MMP26: variants seen among roughly 807,000 people sequenced by gnomAD.
The protein encoded by MMP26 is matrix metallopeptidase 26.
MMP26 carries 33 observed loss-of-function variants against 31.0 expected under a neutral mutation model. That is an observed-to-expected ratio of 1.06 (90% CI 0.81 to 1.42). The LOEUF (loss-of-function observed/expected upper bound fraction) is 1.42, where lower values mean the gene tolerates loss of function less well. Ranked by LOEUF, MMP26 falls within the 40% of genes most tolerant of loss-of-function variation. The pLI is 0.00. For missense variants in MMP26, 347 were observed against 316.1 expected, an observed-to-expected ratio of 1.10 and a Z score of -0.74; for synonymous variants, 122 against 114.9, an observed-to-expected ratio of 1.06 and a Z score of -0.40.
At position 4,992,340 on chromosome 11, in the gene MMP26, T is replaced by C; in HGVS notation, c.*98T>C. 8.1e-7 allele frequency: 1 copy of C among 1,241,428 alleles called. No homozygotes were observed. The highest frequency in any genetic ancestry group is 1.1e-6 in the Non-Finnish European group (1 of 884,528). 76.9% of individuals were successfully genotyped at this position (1,241,428 alleles called of 1,614,324 possible). ...AGAGCAGCCTTGGGGACTGCTAGGA[T>C]GAAGCCCTAAAGAATGCAACCTAGT... is the stretch of plus-strand genomic sequence containing the variant. On this transcript the variant is annotated 3_prime_UTR_variant, in exon 8 of 8. Coordinates refer to ENST00000380390, the MANE Select transcript of MMP26 (RefSeq NM_021801.5).
chr11:4,752,009 G>A (rs779008091), intron 1 of MMP26: 3 of 152,108 alleles, frequency 2.0e-5, no homozygotes, highest in Non-Finnish European at 4.4e-5. Context: ...TTTGAAATAA[G>A]CCTTTATAGG....
chr11:4,740,345 G>A (rs1463826500), intron 1 of MMP26, among the ~76,000 whole-genome samples: 2 of 151,920 alleles, frequency 1.3e-5, no homozygotes, highest in Non-Finnish European at 2.9e-5. Flanking sequence ...ATTAAAAAAC[G>A]GTGGTCATAG....
At chr11:4,803,411 T>G in intron 2 of MMP26, 1 of 1,454,218 alleles carries the variant, frequency 6.9e-7, no homozygotes, top group Non-Finnish European at 9.5e-7. Flanking sequence ...ATGTAAGTGA[T>G]GGGGATACAC....
At chr11:4,941,334 C>CT in intron 2 of MMP26, among the ~76,000 whole-genome samples, 1 of 152,248 alleles carries the variant, frequency 6.6e-6, no homozygotes, top group South Asian at 2.1e-4. Context: ...CTAGAATGCA[C>CT]TTATAATCTA....
At chr11:4,817,660 T>TTA (rs1329691302) in intron 2 of MMP26, among the ~76,000 whole-genome samples, 3 of 152,118 alleles carry the variant, frequency 2.0e-5, no homozygotes, top group African/African-American at 7.2e-5. Flanking sequence ...AAAATAACAT[T>TTA]TATATTCATT....
chr11:4,754,741 G>T (rs1414253638), intron 1 of MMP26, among the ~76,000 whole-genome samples: 1 of 151,898 alleles, frequency 6.6e-6, no homozygotes, highest in Admixed American at 6.6e-5. Context: ...TTCAACACAG[G>T]CATTCCGTGG....
intron 2 of MMP26, among the ~76,000 whole-genome samples, chr11:4,977,261 G>A (rs938208441): frequency 6.6e-6 from 1 of 151,968 alleles, no homozygotes; most frequent in Non-Finnish European, 1.5e-5. Flanking sequence ...ACAGCTATGA[G>A]GGAAAAAAGG....
chr11:4,880,825 A>G (rs1003308728), intron 2 of MMP26, among the ~76,000 whole-genome samples: 1 of 152,120 alleles, frequency 6.6e-6, no homozygotes, highest in African/African-American at 2.4e-5. Context: ...TATATTCTGA[A>G]TTGTGGAGGA....
intron 2 of MMP26, chr11:4,907,507 C>T: frequency 1.2e-6 from 2 of 1,614,058 alleles, no homozygotes; most frequent in Non-Finnish European, 1.7e-6. Flanking sequence ...GCACCATTCT[C>T]TTTATTATAA....
At chr11:4,771,447 C>A (rs918491187) in intron 2 of MMP26, among the ~76,000 whole-genome samples, 5 of 152,118 alleles carry the variant, frequency 3.3e-5, no homozygotes, top group African/African-American at 1.2e-4. Context: ...CTGCTGGCTT[C>A]CGGATACAGT....
chr11:4,775,888 C>T (rs76043733), intron 2 of MMP26, among the ~76,000 whole-genome samples: 1 of 152,084 alleles, frequency 6.6e-6, no homozygotes, highest in East Asian at 1.9e-4. Flanking sequence ...TGAATGTAAC[C>T]ATTATGTGAA....
intron 1 of MMP26, among the ~76,000 whole-genome samples, chr11:4,721,502 G>T (rs1848013084): frequency 6.6e-6 from 1 of 152,168 alleles, no homozygotes; most frequent in African/African-American, 2.4e-5. Flanking sequence ...TTCAAGTTGT[G>T]TCTGAGTCAA....
At chr11:4,930,054 C>A (rs1851324881) in intron 2 of MMP26, among the ~76,000 whole-genome samples, 1 of 152,032 alleles carries the variant, frequency 6.6e-6, no homozygotes, top group Non-Finnish European at 1.5e-5. Flanking sequence ...ACAGATAATT[C>A]TTTCAATTTC....
In MMP26 at chr11:4,739,592, T is replaced by C. The variant is rs554808323; in HGVS notation, c.-216-27678T>C. 1.4e-3 allele frequency among the ~76,000 whole-genome samples: 207 copies of C among 152,026 alleles called. 1 individual carries two copies. The highest frequency in any genetic ancestry group is 6.2e-3 in the South Asian group (30 of 4,828). ...CTCCAACCACTTGATATGGAGAATA[T>C]ACTCATGCAGCTGTGTTATAGCCAC... On this transcript the variant is annotated intron_variant, in intron 1 of 7. Coordinates refer to ENST00000380390, the MANE Select transcript of MMP26 (RefSeq NM_021801.5).
intron 2 of MMP26, among the ~76,000 whole-genome samples, chr11:4,803,231 G>A (rs916226967): frequency 2.6e-5 from 4 of 152,134 alleles, no homozygotes; most frequent in African/African-American, 9.7e-5. Context: ...CAACAAAGTT[G>A]TTCTTATCCA....
At chr11:4,893,123 G>C (rs1034209794) in intron 2 of MMP26, among the ~76,000 whole-genome samples, 1 of 151,672 alleles carries the variant, frequency 6.6e-6, no homozygotes, top group Admixed American at 6.6e-5. Context: ...TCCCCAGTCT[G>C]TATACAAGAA....
intron 2 of MMP26, among the ~76,000 whole-genome samples, chr11:4,771,965 C>G (rs1275180903): frequency 2.0e-5 from 3 of 152,202 alleles, no homozygotes; most frequent in Admixed American, 1.3e-4. Flanking sequence ...TATCTCCCTT[C>G]TTACCAGCTT....
chr11:4,864,946 C>T (rs373486708), intron 2 of MMP26, among the ~76,000 whole-genome samples: 9 of 152,154 alleles, frequency 5.9e-5, no homozygotes, highest in African/African-American at 2.2e-4. Context: ...GTCTTATATA[C>T]CTTGTTTTAA....
intron 2 of MMP26, among the ~76,000 whole-genome samples, chr11:4,919,654 T>C (rs1280881743): frequency 6.6e-6 from 1 of 152,218 alleles, no homozygotes; most frequent in Non-Finnish European, 1.5e-5. Context: ...TAATGTTTTA[T>C]GTGTGATATG....
Sources: allele counts gnomAD v4.1 joint callset (sites outside exome capture counted in the v4.1 genomes callset), GRCh38; gene constraint gnomAD v4.1.1; transcripts MANE v1.5; gene names NCBI Gene and HGNC (gene_info 2026-07-23, HGNC 2026-07-21).